LRP1B: variants seen among roughly 807,000 people sequenced by gnomAD.
LRP1B encodes LDL receptor related protein 1B.
A neutral mutation model predicts 556.6 loss-of-function variants in LRP1B; 217 were observed. The ratio of observed to expected loss-of-function variants is 0.39; its 90% CI spans 0.35 to 0.44. The LOEUF (loss-of-function observed/expected upper bound fraction) is 0.44. Ranked by LOEUF, LRP1B falls within the 20% of genes least tolerant of loss-of-function variation. LRP1B has a pLI of 1.00. For synonymous variants in LRP1B, 2,047 were observed against 1,865.8 expected (o/e 1.10, Z -2.50); for missense variants, 5,053 against 5,620.8 (o/e 0.90, Z 3.23).
intron 2 of LRP1B, among the ~76,000 whole-genome samples, chr2:141,556,607 T>C (rs986876201): frequency 3.9e-5 from 6 of 151,920 alleles, no homozygotes; most frequent in African/African-American, 1.4e-4. Context: ...CTTTATTAGA[T>C]ACAAATAGAT....
intron 32 of LRP1B, among the ~76,000 whole-genome samples, chr2:140,810,993 A>G (rs1372755079): frequency 5.9e-5 from 9 of 151,938 alleles, no homozygotes; most frequent in Non-Finnish European, 1.2e-4. Flanking sequence ...GCCCAGCCTC[A>G]CAAAGTGCTG....
rs957017816 is a variant in LRP1B, at chr2:141,945,912, G to A, written c.83-135511C>T. Reference sequence around the variant, plus strand: ...TCGAATCCTTGCTAAGGGAGAATGCGGTGATAAGAAACCAGCAGGATTTAT... The same window carrying A: ...TCGAATCCTTGCTAAGGGAGAATGCAGTGATAAGAAACCAGCAGGATTTAT... On this transcript the variant is annotated intron_variant, in intron 1 of 90. Coordinates refer to ENST00000389484, the MANE Select transcript of LRP1B (RefSeq NM_018557.3). 4.6e-5 allele frequency among the ~76,000 whole-genome samples: 7 copies of A among 151,862 alleles called. No individual in the cohort carries two copies. In the South Asian group the frequency reaches 6.3e-4, roughly 14 times the overall value.
chr2:140,274,672 CCCTTT>C (rs1682597453), intron 84 of LRP1B, 74 bp from the exon 85 acceptor site: 1 of 1,231,440 alleles, frequency 8.1e-7, no homozygotes, highest in African/African-American at 1.5e-5. Context: ...ATTAAGGTGA[CCCTTT>C]CATTTATTAC....
chr2:140,303,415 T>C (rs1683928437), intron 83 of LRP1B, among the ~76,000 whole-genome samples: 1 of 151,652 alleles, frequency 6.6e-6, no homozygotes, highest in African/African-American at 2.4e-5. Context: ...GCCTGGCTAT[T>C]TTTTTGTATT....
At chr2:140,402,112 A>G (rs1684529183) in intron 66 of LRP1B, among the ~76,000 whole-genome samples, 1 of 152,164 alleles carries the variant, frequency 6.6e-6, no homozygotes, top group Admixed American at 6.5e-5. Flanking sequence ...AACCCAGAAA[A>G]GCAATAGCAA....
chr2:140,831,199 C>T (rs1310146267), intron 31 of LRP1B, among the ~76,000 whole-genome samples: 1 of 151,922 alleles, frequency 6.6e-6, no homozygotes, highest in Non-Finnish European at 1.5e-5. Flanking sequence ...CCACAAAAGA[C>T]CCCAAATAGC....
chr2:141,905,764 GA>G (rs368798832), intron 1 of LRP1B, among the ~76,000 whole-genome samples: 58,802 of 145,276 alleles, frequency 0.4, 13,024 homozygotes, highest in Admixed American at 0.51. Context: ...GGTTTGAATA[GA>G]TGTGTGTGTG....
intron 1 of LRP1B, among the ~76,000 whole-genome samples, chr2:141,861,967 C>T (rs1698260233): frequency 6.6e-6 from 1 of 151,702 alleles, no homozygotes; most frequent in Non-Finnish European, 1.5e-5. Flanking sequence ...AATTACAGAC[C>T]CCTTATGTTG....
intron 11 of LRP1B, among the ~76,000 whole-genome samples, chr2:141,029,359 G>T (rs535024811): frequency 6.6e-6 from 1 of 152,186 alleles, no homozygotes; most frequent in East Asian, 1.9e-4. Flanking sequence ...TATTGGGAGA[G>T]GCAGTCCCCT....
chr2:141,729,666 A>G (rs1693193722), intron 2 of LRP1B, among the ~76,000 whole-genome samples: 1 of 152,210 alleles, frequency 6.6e-6, no homozygotes, highest in African/African-American at 2.4e-5. Flanking sequence ...CCAATAAAAT[A>G]ATGATCTAAA....
rs777653671 is a variant in LRP1B at position 140,510,027 on chromosome 2, T to C, written c.8299A>G (p.Ser2767Gly). The C allele has an allele frequency of 3.7e-6, 6 of 1,613,912 alleles. No homozygotes were observed. The highest frequency in any genetic ancestry group is 5.1e-6 in the Non-Finnish European group (6 of 1,180,008). ...ACGCAGGCACGAGAGCCCTGGCAGC[T>C]GAACATGTCAGCAGCACAGGTTATG... is the stretch of plus-strand genomic sequence containing the variant. ...GAITCAADMF[S>G]CQGSRACVPR... Residue 2767 changes from serine to glycine, a missense_variant, in exon 52 of 91, where the codon AGC becomes GGC. By Grantham distance (56) the Ser-to-Gly change is moderately conservative. Coordinates refer to ENST00000389484, the MANE Select transcript of LRP1B (RefSeq NM_018557.3).
chr2:141,142,920 A>ACTT (rs1701689998), intron 7 of LRP1B, among the ~76,000 whole-genome samples: 1 of 90,718 alleles, frequency 1.1e-5, no homozygotes, highest in Non-Finnish European at 2.1e-5. Flanking sequence ...TTGTCTGATT[A>ACTT]CTTTTTTTTT....
chr2:141,007,247 A>C lies in LRP1B; in HGVS notation c.2381-1790T>G, dbSNP rs187690823. On this transcript the variant is annotated intron_variant, in intron 14 of 90. Transcript: ENST00000389484. ...GCTATACGGAGGATAATAAGAAGTAAGAAAAAAACTCTAAAATGCTCCTCT... is the reference window on the plus strand; with the variant it reads ...GCTATACGGAGGATAATAAGAAGTACGAAAAAAACTCTAAAATGCTCCTCT... 3.1e-3 allele frequency among the ~76,000 whole-genome samples: 477 copies of C among 151,998 alleles called. 1 individual carries two copies. The highest frequency in any genetic ancestry group is 5.5e-3 in the Non-Finnish European group (374 of 67,850).
chr2:141,202,562 G>T (rs1682080360), intron 6 of LRP1B, among the ~76,000 whole-genome samples: 1 of 151,700 alleles, frequency 6.6e-6, no homozygotes, highest in Non-Finnish European at 1.5e-5. Flanking sequence ...TTTTTTCTCT[G>T]CAACCTCGCC....
At chr2:140,932,026 A>T (rs1399892873) in intron 20 of LRP1B, among the ~76,000 whole-genome samples, 3 of 152,168 alleles carry the variant, frequency 2.0e-5, no homozygotes, top group Non-Finnish European at 4.4e-5. Context: ...AATATTTTCT[A>T]GGAAAAAACT....
chr2:141,084,380 C>A (rs1167655930), intron 7 of LRP1B, among the ~76,000 whole-genome samples: 2 of 152,054 alleles, frequency 1.3e-5, no homozygotes. Flanking sequence ...TCAGAACAAG[C>A]AAAAATGTTA....
intron 66 of LRP1B, among the ~76,000 whole-genome samples, chr2:140,391,551 T>G (rs149879238): frequency 2.0e-5 from 3 of 152,140 alleles, no homozygotes; most frequent in African/African-American, 7.2e-5. Context: ...CTATTAGAAT[T>G]GCAAGGAGTT....
chr2:140,354,471 A>T (rs2105125681), intron 75 of LRP1B, among the ~76,000 whole-genome samples: 1 of 152,188 alleles, frequency 6.6e-6, no homozygotes, highest in African/African-American at 2.4e-5. Context: ...GTTTTTAATA[A>T]ATATTTTACA....
rs1558857992 is a variant in LRP1B at position 141,096,621 on chromosome 2, G to GAGAGA, written c.1014-34349_1014-34348insTCTCT. On this transcript the variant is annotated intron_variant, in intron 7 of 90. Coordinates refer to ENST00000389484, the MANE Select transcript of LRP1B (RefSeq NM_018557.3). ...ACCCTAGCCTGAATGACAAAGACGG[G>GAGAGA]GAGAGGGGGAGAGAGAGAGAGAGAG... is the stretch of plus-strand genomic sequence containing the variant. Among the ~76,000 whole-genome samples the GAGAGA allele has an allele frequency of 6.0e-3, 238 of 39,914 alleles. 15 individuals carry two copies. Among genetic ancestry groups the GAGAGA allele is most frequent in the South Asian group, 0.015 (13 of 886 alleles). The allele number at this position is 39,914 out of a possible 152,430, so 26.2% of individuals were successfully genotyped here.
Sources: gnomAD v4.1 joint callset for allele counts (sites outside exome capture counted in the v4.1 genomes callset) on GRCh38, gnomAD v4.1.1 for gene constraint, MANE v1.5 for transcripts, NCBI Gene and HGNC (gene_info 2026-07-23, HGNC 2026-07-21) for gene names.